The following BCAS3 variants were observed in gnomAD, a reference collection of about 807,000 sequenced individuals.
BCAS3 encodes the protein BCAS3 microtubule associated cell migration factor.
BCAS3 carries 53 observed loss-of-function variants against 116.1 expected under a neutral mutation model. The ratio of observed to expected loss-of-function variants is 0.46; its 90% confidence interval spans 0.37 to 0.57. BCAS3 has a LOEUF of 0.57. BCAS3 is among the 20% of genes least tolerant of loss of function. The pLI is 0.00. For synonymous variants in BCAS3, 391 were observed against 408.2 expected (o/e 0.96, Z 0.51); for missense variants, 917 against 1,165.4 (o/e 0.79, Z 3.10).
intron 22 of BCAS3, among the ~76,000 whole-genome samples, chr17:61,216,647 G>T (rs28587802): frequency 6.6e-6 from 1 of 151,494 alleles, no homozygotes; most frequent in Non-Finnish European, 1.5e-5. Context: ...GGGTTCAAGC[G>T]ATTCTCCTGC....
chr17:61,202,181 A>T (rs953824715), intron 22 of BCAS3, among the ~76,000 whole-genome samples: 1 of 129,330 alleles, frequency 7.7e-6, no homozygotes, highest in Admixed American at 9.3e-5. Context: ...TCTGTCTCCC[A>T]GGTTGGAGTG....
chr17:60,986,145 ATGT>A (rs1391633558), intron 14 of BCAS3, among the ~76,000 whole-genome samples: 1 of 152,212 alleles, frequency 6.6e-6, no homozygotes, highest in African/African-American at 2.4e-5. Flanking sequence ...AGTTCTGTCC[ATGT>A]TGTTGCAAAT....
rs1237615174 is a variant in BCAS3, at chr17:61,198,152, T to G, written c.2425+113588T>G. Among the ~76,000 whole-genome samples the G allele has an allele frequency of 6.6e-6, 1 of 151,660 alleles. No homozygotes were observed. Among genetic ancestry groups the G allele is most frequent in the Admixed American group, 6.6e-5 (1 of 15,236 alleles). ...GATATGTTTTTTTTTTTTCTTTTTT[T>G]TTTTTTGAGACGGAGTCTCACTCTG... On this transcript the variant is annotated intron_variant, in intron 22 of 23. Transcript: ENST00000407086. This position sits in a 1 kb window ranked among gnomAD's most constrained non-coding sequence, Gnocchi z 5.0.
chr17:60,814,983 A>G (rs1263612046), intron 7 of BCAS3, among the ~76,000 whole-genome samples: 2 of 152,190 alleles, frequency 1.3e-5, no homozygotes, highest in African/African-American at 2.4e-5. Context: ...TCATGCTGCT[A>G]TAAAGACACA....
chr17:60,802,480 T>G (rs1268600688), intron 6 of BCAS3, among the ~76,000 whole-genome samples: 3 of 151,830 alleles, frequency 2.0e-5, no homozygotes, highest in Non-Finnish European at 4.4e-5. Flanking sequence ...CTGCAGTATC[T>G]TCTCTTACAT....
chr17:61,012,794 T>A lies in BCAS3; in HGVS notation c.1487-2957T>A, dbSNP rs1220852469. Among the ~76,000 whole-genome samples the A allele has an allele frequency of 6.6e-6, 1 of 152,052 alleles. No individual in the cohort carries two copies. Among genetic ancestry groups the A allele is most frequent in the Non-Finnish European group, 1.5e-5 (1 of 67,940 alleles). On this transcript the variant is annotated intron_variant, in intron 15 of 23. Transcript: ENST00000407086. The surrounding 1 kb of genome is among the most constrained non-coding windows in gnomAD (Gnocchi z 4.5). ...ACAGTGAAGCATTTTAAGTTGTGCC[T>A]AGCTAAACCACAGATTTGGAACTTC...
chr17:61,272,636 C>CAAAAAAAAAAAA (rs373837874), intron 22 of BCAS3, among the ~76,000 whole-genome samples: 15 of 47,378 alleles, frequency 3.2e-4, no homozygotes, highest in Non-Finnish European at 3.5e-4. Context: ...AACCCTGTCT[C>CAAAAAAAAAAAA]AAAAAAAAAA....
At chr17:60,991,848 A>G (rs1017009987) in intron 15 of BCAS3, among the ~76,000 whole-genome samples, 1 of 152,094 alleles carries the variant, frequency 6.6e-6, no homozygotes, top group Non-Finnish European at 1.5e-5. Flanking sequence ...TATATTTTAT[A>G]TAAATATAAT....
At position 61,073,580 on chromosome 17, in the gene BCAS3, T is replaced by G. The variant is rs2071643519; in HGVS notation, c.2030-1340T>G. On this transcript the variant is annotated intron_variant, in intron 19 of 23. Transcript: ENST00000407086. This position sits in a 1 kb window ranked among gnomAD's most constrained non-coding sequence, Gnocchi z 4.6. ...GAACATATATTAAGAAATTTATATA[T>G]TTACATCCTCTGATTTCATATGTAG... Among the ~76,000 whole-genome samples the G allele has an allele frequency of 6.6e-6, 1 of 152,198 alleles. No individual in the cohort carries two copies. Among genetic ancestry groups the G allele is most frequent in the Non-Finnish European group, 1.5e-5 (1 of 68,038 alleles).
intron 23 of BCAS3, among the ~76,000 whole-genome samples, chr17:61,371,895 T>A (rs975158998): frequency 6.6e-6 from 1 of 152,224 alleles, no homozygotes; most frequent in Non-Finnish European, 1.5e-5. Context: ...GGTTAACTTA[T>A]AAGACAGATG....
intron 22 of BCAS3, among the ~76,000 whole-genome samples, chr17:61,221,802 G>A (rs754721727): frequency 6.6e-6 from 1 of 152,222 alleles, no homozygotes; most frequent in African/African-American, 2.4e-5. Flanking sequence ...CTACAGGAGA[G>A]TATGATGTGA....
rs2067102445 is a variant in BCAS3, at chr17:61,037,178, C to T, written c.1763-711C>T. 6.6e-6 allele frequency among the ~76,000 whole-genome samples: 1 copy of T among 152,178 alleles called. No individual in the cohort carries two copies. Reference sequence around the variant, plus strand: ...TAGGCTGATTTAGGCATACAACTAACCTTTCATGCAAGTCATTTGGTACAT... The same window carrying T: ...TAGGCTGATTTAGGCATACAACTAATCTTTCATGCAAGTCATTTGGTACAT... On this transcript the variant is annotated intron_variant, in intron 17 of 23. Transcript: ENST00000407086. The surrounding 1 kb of genome is among the most constrained non-coding windows in gnomAD (Gnocchi z 4.7).
intron 22 of BCAS3, among the ~76,000 whole-genome samples, chr17:61,225,655 G>A (rs1199125383): frequency 6.6e-6 from 1 of 152,076 alleles, no homozygotes; most frequent in Non-Finnish European, 1.5e-5. Flanking sequence ...TTGCTTTACT[G>A]CTTAAAGCGT....
chr17:61,129,151 G>A (rs1938936240), intron 22 of BCAS3, among the ~76,000 whole-genome samples: 1 of 152,218 alleles, frequency 6.6e-6, no homozygotes, highest in South Asian at 2.1e-4. Context: ...AGCCACCTGA[G>A]GGTATGGAGT....
chr17:61,303,110 C>T (rs2053578912), intron 22 of BCAS3, among the ~76,000 whole-genome samples: 1 of 152,202 alleles, frequency 6.6e-6, no homozygotes, highest in South Asian at 2.1e-4. Flanking sequence ...GTCCTGTGTG[C>T]TGAGCAGCTC....
chr17:61,091,132 T>C (rs1238779161), intron 22 of BCAS3, among the ~76,000 whole-genome samples: 1 of 152,218 alleles, frequency 6.6e-6, no homozygotes, highest in Non-Finnish European at 1.5e-5. Flanking sequence ...ATTGCTTCTT[T>C]GAATAAATCT....
At chr17:61,067,273 G>GTGTGTGTATATATATATA (rs1251223420) in intron 19 of BCAS3, among the ~76,000 whole-genome samples, 47 of 58,772 alleles carry the variant, frequency 8.0e-4, no homozygotes, top group African/African-American at 3.9e-3. Context: ...GTGTGTATGT[G>GTGTGTGTATATATATATA]TATATATATA....
Position 61,261,219 on chromosome 17 carries a change from AAAG to A in BCAS3, c.2426-107104_2426-107102del, listed in dbSNP as rs1425749794. Among the ~76,000 whole-genome samples the A allele has an allele frequency of 3.3e-5, 5 of 152,196 alleles. No homozygotes were observed. The highest frequency in any genetic ancestry group is 5.9e-5 in the Non-Finnish European group (4 of 68,024). The stretch of plus-strand genomic sequence containing the variant: ...CTCCCTGGGGAGCGGGTGGACAGGG[AAAG>A]AAGGTTTGATGGCAGTTATTAAACA... On this transcript the variant is annotated intron_variant, in intron 22 of 23. Transcript: ENST00000407086. This position sits in a 1 kb window ranked among gnomAD's most constrained non-coding sequence, Gnocchi z 4.4.
At chr17:60,828,010 C>A (rs544187598) in intron 7 of BCAS3, among the ~76,000 whole-genome samples, 1 of 152,198 alleles carries the variant, frequency 6.6e-6, no homozygotes, top group South Asian at 2.1e-4. Flanking sequence ...TCTGTGTAAT[C>A]ATTTCAAAAC....
Sources: allele counts gnomAD v4.1 joint callset (sites outside exome capture counted in the v4.1 genomes callset), GRCh38; gene constraint gnomAD v4.1.1; non-coding constraint Gnocchi (gnomAD v3.1); transcripts MANE v1.5; gene names NCBI Gene and HGNC (gene_info 2026-07-23, HGNC 2026-07-21).